Variants in DOCK4 observed in about 807,000 individuals in gnomAD.
The protein encoded by DOCK4 is dedicator of cytokinesis 4.
DOCK4 carries 97 observed loss-of-function variants against 268.1 expected under a neutral mutation model. The ratio of observed to expected loss-of-function variants is 0.36; its 90% CI spans 0.31 to 0.43. The LOEUF is 0.43. DOCK4 is among the 20% of genes least tolerant of loss of function. The pLI, the probability that DOCK4 is intolerant of heterozygous loss-of-function variation, is 1.00. For missense variants in DOCK4, 2,145 were observed against 2,455.7 expected (o/e 0.87, Z 2.67); for synonymous variants, 954 against 887.2 (o/e 1.08, Z -1.34).
intron 13 of DOCK4, among the ~76,000 whole-genome samples, chr7:111,911,465 A>G (rs1337487999): frequency 5.9e-5 from 9 of 152,140 alleles, no homozygotes; most frequent in Admixed American, 5.9e-4. Context: ...TTAAAAAGCC[A>G]GAGGAAGAAA....
intron 8 of DOCK4, among the ~76,000 whole-genome samples, chr7:111,973,812 G>T (rs1279332286): frequency 1.3e-5 from 2 of 151,938 alleles, no homozygotes; most frequent in Admixed American, 6.5e-5. Flanking sequence ...TGAAGCTGGT[G>T]GAGGGTACAT....
rs777044518 is a variant in DOCK4 at position 111,784,077 on chromosome 7, A to G, written c.3428+20T>C. ...ACTGCAACATCTCACAAGTAGCACA[A>G]TTTGCAAACAATGTCTTACCTAGGA... On this transcript the variant is annotated intron_variant, in intron 33 of 52. Coordinates refer to ENST00000428084, the MANE Select transcript of DOCK4 (RefSeq NM_001363540.2). 1 of 1,580,454 alleles carries G rather than the reference A, an allele frequency of 6.3e-7. No individual in the cohort carries two copies. Among genetic ancestry groups the G allele is most frequent in the East Asian group, 2.3e-5 (1 of 44,344 alleles).
chr7:112,160,994 C>T (rs781288731), intron 1 of DOCK4, among the ~76,000 whole-genome samples: 20 of 152,216 alleles, frequency 1.3e-4, no homozygotes, highest in Non-Finnish European at 2.1e-4. Flanking sequence ...CTAATATTTG[C>T]AGGGGGACAG....
chr7:112,162,521 C>G (rs969564274), intron 1 of DOCK4, among the ~76,000 whole-genome samples: 1 of 151,710 alleles, frequency 6.6e-6, no homozygotes, highest in Non-Finnish European at 1.5e-5. Context: ...TTCTCTCTCT[C>G]TCTCTCTCTC....
chr7:112,174,688 A>G (rs1349427122), intron 1 of DOCK4, among the ~76,000 whole-genome samples: 1 of 152,102 alleles, frequency 6.6e-6, no homozygotes, highest in Non-Finnish European at 1.5e-5. Flanking sequence ...GGATAATGCA[A>G]GATGTTCTTC....
chr7:112,052,055 A>G (rs1464876004), intron 1 of DOCK4, among the ~76,000 whole-genome samples: 1 of 152,154 alleles, frequency 6.6e-6, no homozygotes, highest in East Asian at 1.9e-4. Flanking sequence ...CATATGACCT[A>G]TGAACATCCC....
intron 1 of DOCK4, among the ~76,000 whole-genome samples, chr7:112,078,992 T>C (rs1453741479): frequency 6.6e-6 from 1 of 152,056 alleles, no homozygotes; most frequent in Admixed American, 6.5e-5. Context: ...CCGGGTATGG[T>C]GGCATGCGCC....
intron 1 of DOCK4, among the ~76,000 whole-genome samples, chr7:112,126,037 G>A (rs544242613): frequency 2.0e-5 from 3 of 152,174 alleles, no homozygotes; most frequent in African/African-American, 7.2e-5. Flanking sequence ...CTGGGCTCAA[G>A]TGATCCATCC....
intron 1 of DOCK4, among the ~76,000 whole-genome samples, chr7:112,182,215 C>T (rs761836447): frequency 6.6e-6 from 1 of 152,056 alleles, no homozygotes; most frequent in Non-Finnish European, 1.5e-5. Flanking sequence ...GAATAGTGCC[C>T]GGCATGCAGA....
intron 12 of DOCK4, among the ~76,000 whole-genome samples, chr7:111,921,432 T>C (rs1182313154): frequency 1.3e-5 from 2 of 152,182 alleles, no homozygotes; most frequent in African/African-American, 2.4e-5. Context: ...CAATTTTACA[T>C]TAAAAATGGA....
chr7:111,925,139 G>A (rs1280725154), intron 12 of DOCK4, among the ~76,000 whole-genome samples: 1 of 152,076 alleles, frequency 6.6e-6, no homozygotes, highest in African/African-American at 2.4e-5. Flanking sequence ...TCCTTCCTAT[G>A]TGCTTGATTT....
intron 1 of DOCK4, among the ~76,000 whole-genome samples, chr7:112,058,024 ATTTTTTT>A (rs67991598): frequency 6.1e-5 from 7 of 115,050 alleles, no homozygotes; most frequent in South Asian, 6.1e-4. Context: ...TACAGGTTCA[ATTTTTTT>A]TTTTTTTTTT....
At chr7:111,739,075 T>G in intron 49 of DOCK4, 59 bp downstream of exon 49, 1 of 1,459,150 alleles carries the variant, frequency 6.9e-7, no homozygotes, top group African/African-American at 1.4e-5. Context: ...TCTGCAGAGA[T>G]AGGTAAGCAA....
At chr7:111,998,016 C>T (rs936205525) in intron 4 of DOCK4, among the ~76,000 whole-genome samples, 2 of 152,156 alleles carry the variant, frequency 1.3e-5, no homozygotes, top group Non-Finnish European at 2.9e-5. Flanking sequence ...GTGAAGTGGT[C>T]ACACAAGAAT....
At chr7:111,812,383 G>T (rs1586060917) in intron 27 of DOCK4, among the ~76,000 whole-genome samples, 1 of 152,144 alleles carries the variant, frequency 6.6e-6, no homozygotes, top group South Asian at 2.1e-4. Context: ...GGGCTCAAGT[G>T]ATCCTCCTGC....
chr7:112,092,861 C>T (rs1193897009), intron 1 of DOCK4, among the ~76,000 whole-genome samples: 4 of 152,152 alleles, frequency 2.6e-5, no homozygotes, highest in Non-Finnish European at 4.4e-5. Context: ...CAGTAAATTA[C>T]ACCCTCCCAC....
intron 2 of DOCK4, among the ~76,000 whole-genome samples, chr7:112,003,454 A>C (rs910125924): frequency 5.3e-5 from 8 of 152,248 alleles, no homozygotes; most frequent in African/African-American, 1.9e-4. Flanking sequence ...CTAGCATTTA[A>C]GGATGTTTCA....
At chr7:112,123,385 A>G (rs1812921262) in intron 1 of DOCK4, among the ~76,000 whole-genome samples, 1 of 152,140 alleles carries the variant, frequency 6.6e-6, no homozygotes, top group Non-Finnish European at 1.5e-5. Context: ...GGGTTTCTGA[A>G]CCCCAACACG....
chr7:112,068,813 G>A (rs1807315264), intron 1 of DOCK4, among the ~76,000 whole-genome samples: 3 of 152,128 alleles, frequency 2.0e-5, no homozygotes, highest in Non-Finnish European at 2.9e-5. Flanking sequence ...GGTACTTCTT[G>A]AGGATTCAGA....
Sources: allele counts gnomAD v4.1 joint callset (sites outside exome capture counted in the v4.1 genomes callset), GRCh38; gene constraint gnomAD v4.1.1; transcripts MANE v1.5; gene names NCBI Gene and HGNC (gene_info 2026-07-23, HGNC 2026-07-21).